Variants in GRIA4 observed in about 807,000 individuals in gnomAD.
GRIA4 encodes the protein glutamate receptor 4.
Under a neutral mutation model 104.0 loss-of-function variants are expected in GRIA4, and 34 were observed. The observed-to-expected ratio is 0.33, with a 90% confidence interval of 0.25 to 0.44. GRIA4 has a LOEUF of 0.44. Ranked by LOEUF, GRIA4 falls within the 20% of genes least tolerant of loss-of-function variation. The pLI is 1.00. For missense variants in GRIA4, 750 were observed against 1,096.5 expected, an observed-to-expected ratio of 0.68 and a Z score of 4.46; for synonymous variants, 386 against 381.9, an observed-to-expected ratio of 1.01 and a Z score of -0.13.
chr11:105,952,486 C>T (rs1006982181), intron 14 of GRIA4, among the ~76,000 whole-genome samples: 12 of 152,082 alleles, frequency 7.9e-5, no homozygotes, highest in African/African-American at 9.7e-5. Flanking sequence ...GATCAAACTC[C>T]CTAGCTAATG....
chr11:105,935,323 G>C (rs1948002455), intron 14 of GRIA4, among the ~76,000 whole-genome samples: 1 of 152,142 alleles, frequency 6.6e-6, no homozygotes, highest in Non-Finnish European at 1.5e-5. Flanking sequence ...TCTGAAGTCA[G>C]ACTTATTAAC....
intron 4 of GRIA4, among the ~76,000 whole-genome samples, chr11:105,805,285 T>C (rs1942899227): frequency 6.6e-6 from 1 of 151,646 alleles, no homozygotes; most frequent in Non-Finnish European, 1.5e-5. Context: ...AGTGAAAAGA[T>C]TGATTCGGCA....
At chr11:105,791,747 C>G (rs993754826) in intron 4 of GRIA4, among the ~76,000 whole-genome samples, 2 of 152,102 alleles carry the variant, frequency 1.3e-5, no homozygotes, top group South Asian at 4.1e-4. Flanking sequence ...AAATAAGGCA[C>G]CTGAGTGTCC....
At chr11:105,894,791 A>ATTTTT (rs569292239) in intron 6 of GRIA4, among the ~76,000 whole-genome samples, 2 of 126,362 alleles carry the variant, frequency 1.6e-5, no homozygotes, top group South Asian at 2.5e-4. Flanking sequence ...ATTGCTACAT[A>ATTTTT]TTTTTTTTTT....
chr11:105,667,632 T>C (rs560560730), intron 3 of GRIA4, among the ~76,000 whole-genome samples: 1 of 152,118 alleles, frequency 6.6e-6, no homozygotes, highest in African/African-American at 2.4e-5. Context: ...AAAATTTACA[T>C]TGATCAGCAA....
intron 3 of GRIA4, among the ~76,000 whole-genome samples, chr11:105,624,503 C>T (rs547033731): frequency 6.6e-6 from 1 of 152,160 alleles, no homozygotes; most frequent in Admixed American, 6.6e-5. Context: ...CCTTTCAGTT[C>T]TTGATCATCT....
intron 4 of GRIA4, among the ~76,000 whole-genome samples, chr11:105,754,630 AGCT>A (rs1940196487): frequency 6.6e-6 from 1 of 152,176 alleles, no homozygotes; most frequent in Admixed American, 6.6e-5. Context: ...TTTATTTTTC[AGCT>A]GGAGGAACAA....
intron 9 of GRIA4, 135 bp from the exon 10 acceptor site, chr11:105,910,300 T>C: frequency 1.6e-6 from 1 of 606,874 alleles, no homozygotes; most frequent in Non-Finnish European, 2.9e-6. Flanking sequence ...AACACTTTTT[T>C]TTTTTCTGTT....
chr11:105,782,892 C>G (rs1941791015), intron 4 of GRIA4, among the ~76,000 whole-genome samples: 1 of 152,152 alleles, frequency 6.6e-6, no homozygotes, highest in African/African-American at 2.4e-5. Context: ...GGTTTCTCAA[C>G]TTTCTAAATC....
chr11:105,945,416 C>T (rs1408686986), intron 14 of GRIA4: 6 of 539,844 alleles, frequency 1.1e-5, no homozygotes, highest in Non-Finnish European at 1.4e-5. Flanking sequence ...GACTTTAATA[C>T]AAGACCATGT....
At chr11:105,967,395 A>G (rs1339111005) in intron 14 of GRIA4, among the ~76,000 whole-genome samples, 2 of 152,218 alleles carry the variant, frequency 1.3e-5, no homozygotes, top group African/African-American at 4.8e-5. Context: ...GTCAGATTTA[A>G]TTAGCTTGTA....
chr11:105,778,706 A>G (rs922372357), intron 4 of GRIA4, among the ~76,000 whole-genome samples: 1 of 152,166 alleles, frequency 6.6e-6, no homozygotes, highest in Admixed American at 6.5e-5. Flanking sequence ...CTACATCTCA[A>G]AACAAAACAA....
intron 4 of GRIA4, among the ~76,000 whole-genome samples, chr11:105,754,658 A>G (rs796540417): frequency 2.0e-4 from 30 of 152,326 alleles, no homozygotes; most frequent in Middle Eastern, 3.4e-3. Context: ...AGGAGTTGCC[A>G]TGCATGTTTT....
intron 14 of GRIA4, among the ~76,000 whole-genome samples, chr11:105,961,003 T>TA (rs1280483544): frequency 1.3e-5 from 2 of 152,108 alleles, no homozygotes; most frequent in African/African-American, 2.4e-5. Context: ...TTCACAGGCT[T>TA]ATTATGTTTT....
At chr11:105,686,928 G>A (rs1418920385) in intron 3 of GRIA4, among the ~76,000 whole-genome samples, 2 of 151,936 alleles carry the variant, frequency 1.3e-5, no homozygotes, top group East Asian at 3.9e-4. Context: ...GTTATTTATT[G>A]ATTTGTTGAA....
At chr11:105,627,277 T>C (rs916223733) in intron 3 of GRIA4, among the ~76,000 whole-genome samples, 2 of 151,394 alleles carry the variant, frequency 1.3e-5, no homozygotes, top group Non-Finnish European at 2.9e-5. Context: ...ATCTGGAGAA[T>C]AGAGTAGGGG....
chr11:105,666,747 A>G (rs1170746102), intron 3 of GRIA4, among the ~76,000 whole-genome samples: 1 of 151,896 alleles, frequency 6.6e-6, no homozygotes, highest in East Asian at 1.9e-4. Context: ...CTTTTTTTCA[A>G]CTTTTTAACC....
intron 4 of GRIA4, among the ~76,000 whole-genome samples, chr11:105,803,844 C>CAAAAAA (rs537440632): frequency 1.2e-5 from 1 of 80,536 alleles, no homozygotes; most frequent in African/African-American, 4.0e-5. Context: ...GGTGCTATAC[C>CAAAAAA]AAAAAAAAAA....
chr11:105,730,980 G>C (rs1046988279), intron 3 of GRIA4, among the ~76,000 whole-genome samples: 9 of 152,160 alleles, frequency 5.9e-5, no homozygotes, highest in Admixed American at 2.0e-4. Flanking sequence ...AAGACTTCAT[G>C]AGTAAAACAC....
Sources: allele counts gnomAD v4.1 joint callset (sites outside exome capture counted in the v4.1 genomes callset), GRCh38; gene constraint gnomAD v4.1.1; transcripts MANE v1.5; gene names NCBI Gene and HGNC (gene_info 2026-07-23, HGNC 2026-07-21).